SH3PXD2A: variants seen among roughly 807,000 people sequenced by gnomAD.
SH3PXD2A encodes SH3 and PX domains 2A, also known as SH3 and PX domain-containing protein 2A.
Under a neutral mutation model 115.2 loss-of-function variants are expected in SH3PXD2A, and 32 were observed. The ratio of observed to expected loss-of-function variants is 0.28; its 90% confidence interval spans 0.21 to 0.37. The LOEUF is 0.37. Among genes scored for constraint, SH3PXD2A ranks in the 10% least tolerant of loss-of-function variants. The pLI is 1.00. For missense variants in SH3PXD2A, 1,328 were observed against 1,498.7 expected (o/e 0.89, Z 1.88); for synonymous variants, 610 against 629.1 (o/e 0.97, Z 0.45).
chr10:103,729,488 G>A (rs1198785893), intron 4 of SH3PXD2A, among the ~76,000 whole-genome samples: 4 of 152,250 alleles, frequency 2.6e-5, no homozygotes, highest in African/African-American at 9.6e-5. Context: ...GCTCAGGTGA[G>A]CTCAGAGGGT....
At chr10:103,854,808 C>G (rs1208081919) in intron 1 of SH3PXD2A, among the ~76,000 whole-genome samples, 2 of 152,102 alleles carry the variant, frequency 1.3e-5, no homozygotes, top group Non-Finnish European at 2.9e-5. Flanking sequence ...GAAAGCATCT[C>G]GGGCTGTGTG....
At chr10:103,675,279 T>C (rs1423721516) in intron 6 of SH3PXD2A, among the ~76,000 whole-genome samples, 1 of 152,228 alleles carries the variant, frequency 6.6e-6, no homozygotes, top group Non-Finnish European at 1.5e-5. Flanking sequence ...AATTTATGAA[T>C]GAGAGAGTCT....
chr10:103,797,148 A>G (rs114610360), intron 2 of SH3PXD2A, among the ~76,000 whole-genome samples: 3,358 of 152,128 alleles, frequency 0.022, 117 homozygotes, highest in African/African-American at 0.076. Context: ...ACAGGCATGA[A>G]CCACCACGCC....
intron 1 of SH3PXD2A, among the ~76,000 whole-genome samples, chr10:103,833,885 G>C (rs956770406): frequency 1.3e-5 from 2 of 152,208 alleles, no homozygotes; most frequent in Non-Finnish European, 2.9e-5. Context: ...AACTTGGTAA[G>C]AGGGCTGGGG....
At chr10:103,650,766 G>A (rs1564854043) in intron 8 of SH3PXD2A, among the ~76,000 whole-genome samples, 2 of 152,248 alleles carry the variant, frequency 1.3e-5, no homozygotes, top group Non-Finnish European at 2.9e-5. Context: ...CCAGTCCTCA[G>A]CCACACTTTG....
intron 3 of SH3PXD2A, among the ~76,000 whole-genome samples, chr10:103,738,927 T>A (rs1456874750): frequency 6.6e-6 from 1 of 152,090 alleles, no homozygotes; most frequent in Non-Finnish European, 1.5e-5. Context: ...CCCGAGTAGC[T>A]GGGATTACAG....
intron 5 of SH3PXD2A, among the ~76,000 whole-genome samples, chr10:103,704,046 G>T (rs1414492329): frequency 1.3e-5 from 2 of 152,222 alleles, no homozygotes; most frequent in African/African-American, 4.8e-5. Context: ...GCACAGTCAG[G>T]CTCAGTAACA....
chr10:103,839,691 T>C (rs2134315447), intron 1 of SH3PXD2A, among the ~76,000 whole-genome samples: 1 of 150,596 alleles, frequency 6.6e-6, no homozygotes, highest in Middle Eastern at 3.4e-3. Flanking sequence ...GCAGTCGGCC[T>C]CCCACTGGCT....
rs78235876 is a variant in SH3PXD2A, at chr10:103,827,124, G to T, written c.73-25762C>A. Among the ~76,000 whole-genome samples, 639 of 152,226 alleles carry T rather than the reference G, an allele frequency of 4.2e-3. 8 individuals carry two copies. Among genetic ancestry groups the T allele is most frequent in the Middle Eastern group, 0.017 (5 of 294 alleles). ...TGAATAAATCAGCCAGGGAGCTCAG[G>T]GTGGATGAGGGGTGGGAGGGAGATG... is the stretch of plus-strand genomic sequence containing the variant. On this transcript the variant is annotated intron_variant, in intron 1 of 14. Transcript: ENST00000369774.
At chr10:103,684,443 C>T (rs2037649865) in intron 6 of SH3PXD2A, among the ~76,000 whole-genome samples, 1 of 151,952 alleles carries the variant, frequency 6.6e-6, no homozygotes, top group African/African-American at 2.4e-5. Flanking sequence ...ACTGCAAACT[C>T]CGCCCCCTGG....
At position 103,848,345 on chromosome 10, in the gene SH3PXD2A, C is replaced by T. The variant is rs921293068; in HGVS notation, c.72+6850G>A. On this transcript the variant is annotated intron_variant, in intron 1 of 14. Coordinates refer to ENST00000369774, the MANE Select transcript of SH3PXD2A (RefSeq NM_001394015.1). ...ACCCAGCTGGCCAACTAAAGAGTCC[C>T]CCAGGCAGAGCTAGAAAAAGGTTCC... Among the ~76,000 whole-genome samples the T allele has an allele frequency of 2.0e-5, 3 of 152,202 alleles. No homozygotes were observed. In the South Asian group the frequency reaches 6.2e-4, roughly 32 times the overall value.
In SH3PXD2A at chr10:103,614,757, C is replaced by T. The variant is rs2036482713; in HGVS notation, c.921-1567G>A. 2.0e-5 allele frequency among the ~76,000 whole-genome samples: 3 copies of T among 152,070 alleles called. No homozygotes were observed. In the South Asian group the frequency reaches 6.2e-4, roughly 32 times the overall value. ...CCACACCAGATGTCTGAACACCTCC[C>T]CCCCCGCCCCGCCCACCGTCTTCCT... On this transcript the variant is annotated intron_variant, in intron 11 of 14. Coordinates refer to ENST00000369774, the MANE Select transcript of SH3PXD2A (RefSeq NM_001394015.1).
At position 103,613,094 on chromosome 10, in the gene SH3PXD2A, C is replaced by T; in HGVS notation, c.1017G>A (p.Glu339=). The T allele has an allele frequency of 6.2e-7, 1 of 1,614,218 alleles. No homozygotes were observed. The highest frequency in any genetic ancestry group is 8.5e-7 in the Non-Finnish European group (1 of 1,180,016). The change falls in exon 12 of 15, where the codon GAG becomes GAA. Residue 339 remains glutamate, a synonymous_variant. Coordinates refer to ENST00000369774, the MANE Select transcript of SH3PXD2A (RefSeq NM_001394015.1). ...TRKKNLAGPV[E]IIGNIMEISN... ...TGATCTCCATGATGTTCCCAATGAT[C>T]TCCACTGGGCCGGCCAGGTTCTTCT...
rs2036187266 is a variant in SH3PXD2A at position 103,599,604 on chromosome 10, A to G, written c.*2212T>C. On this transcript the variant is annotated 3_prime_UTR_variant, in exon 15 of 15. Coordinates refer to ENST00000369774, the MANE Select transcript of SH3PXD2A (RefSeq NM_001394015.1). ...TGCTGTTTAAAAATGAGAAAAGTAT[A>G]TACTGCATCTTTAAGTAATGCACTT... 6.5e-6 allele frequency: 1 copy of G among 152,766 alleles called. No homozygotes were observed. The highest frequency in any genetic ancestry group is 2.4e-5 in the African/African-American group (1 of 41,594). The allele number at this position is 152,766 out of a possible 1,614,324, so 9.5% of individuals were successfully genotyped here.
intron 10 of SH3PXD2A, among the ~76,000 whole-genome samples, chr10:103,619,327 C>T (rs2036568533): frequency 6.6e-6 from 1 of 152,206 alleles, no homozygotes; most frequent in Non-Finnish European, 1.5e-5. Context: ...AATCCCAGCT[C>T]AGCGGCGGCC....
intron 1 of SH3PXD2A, among the ~76,000 whole-genome samples, chr10:103,849,270 G>T (rs575017218): frequency 3.3e-5 from 5 of 152,246 alleles, no homozygotes; most frequent in African/African-American, 9.6e-5. Context: ...ACTCTGAGTA[G>T]AATGATACGA....
At chr10:103,843,888 T>C (rs1252311723) in intron 1 of SH3PXD2A, among the ~76,000 whole-genome samples, 1 of 152,156 alleles carries the variant, frequency 6.6e-6, no homozygotes, top group Non-Finnish European at 1.5e-5. Flanking sequence ...ACACAGATGA[T>C]GACCAGGGTT....
At chr10:103,744,154 C>CTTTT (rs35901070) in intron 3 of SH3PXD2A, among the ~76,000 whole-genome samples, 1 of 136,274 alleles carries the variant, frequency 7.3e-6, no homozygotes, top group Non-Finnish European at 1.6e-5. Flanking sequence ...CCCTGCTTGT[C>CTTTT]TTTTTTTTTT....
chr10:103,668,237 C>T (rs1252321240), intron 7 of SH3PXD2A, among the ~76,000 whole-genome samples: 1 of 152,270 alleles, frequency 6.6e-6, no homozygotes, highest in Non-Finnish European at 1.5e-5. Flanking sequence ...GAAAGCCCCA[C>T]CACTGCCTGA....
Sources: gnomAD v4.1 joint callset for allele counts (sites outside exome capture counted in the v4.1 genomes callset) on GRCh38, gnomAD v4.1.1 for gene constraint, MANE v1.5 for transcripts, NCBI Gene and HGNC (gene_info 2026-07-23, HGNC 2026-07-21) for gene names.